The following PALD1 variants were observed in gnomAD, a reference collection of about 807,000 sequenced individuals.
The protein encoded by PALD1 is phosphatase domain containing paladin 1.
PALD1 carries 57 observed loss-of-function variants against 96.0 expected under a neutral mutation model. The observed-to-expected ratio is 0.59, with a 90% CI of 0.48 to 0.74. The LOEUF (loss-of-function observed/expected upper bound fraction) is 0.74. Among genes scored for constraint, PALD1 ranks in the 30% least tolerant of loss-of-function variants. The probability of loss-of-function intolerance (pLI) is 0.00; values close to 1 mark genes in which losing one functional copy is unlikely to be tolerated. For missense variants in PALD1, 1,063 were observed against 1,143.7 expected (o/e 0.93, Z 1.02); for synonymous variants, 464 against 473.6 (o/e 0.98, Z 0.26).
rs1220864374 is a variant in PALD1, at chr10:70,564,446, T to G, written c.2345T>G (p.Ile782Ser). The change falls in exon 19 of 20, where the codon ATT becomes AGT. Residue 782 changes from isoleucine (I) to serine (S), a missense_variant. Coordinates refer to ENST00000263563, the MANE Select transcript of PALD1 (RefSeq NM_014431.3). ...TACTTGGAGCGCTATGTCTGCCTGA[T>G]TCTCTTCAACGCGTACCTCCACCTG... Reference protein sequence around the residue: ...LQYLERYVCLILFNAYLHLEK... With the variant: ...LQYLERYVCLSLFNAYLHLEK... The G allele has an allele frequency of 4.3e-6, 7 of 1,614,040 alleles. No individual in the cohort carries two copies. The highest frequency in any genetic ancestry group is 5.9e-6 in the Non-Finnish European group (7 of 1,180,018).
intron 1 of PALD1, among the ~76,000 whole-genome samples, chr10:70,514,675 G>A (rs1041649841): frequency 2.0e-5 from 3 of 152,074 alleles, no homozygotes; most frequent in African/African-American, 4.8e-5. Context: ...CCTAATTCTC[G>A]GCTCTCTTGA....
intron 18 of PALD1, among the ~76,000 whole-genome samples, chr10:70,552,291 G>A (rs1159879541): frequency 6.6e-6 from 1 of 152,226 alleles, no homozygotes; most frequent in African/African-American, 2.4e-5. Context: ...TGTTTCTCAT[G>A]CTGTTGCTGT....
chr10:70,548,073 A>G (rs537937744), intron 18 of PALD1, among the ~76,000 whole-genome samples: 1 of 152,262 alleles, frequency 6.6e-6, no homozygotes, highest in South Asian at 2.1e-4. Context: ...TAGGAGGCCG[A>G]GACAGGCAGA....
At position 70,539,870 on chromosome 10, in the gene PALD1, G is replaced by T. The variant is rs10999382; in HGVS notation, c.1908+108G>T. 0.18 allele frequency: 169,124 copies of T among 963,778 alleles called. 16,199 individuals carry two copies. Among genetic ancestry groups the T allele is most frequent in the Middle Eastern group, 0.26 (914 of 3,544 alleles). The allele number at this position is 963,778 out of a possible 1,614,324, so 59.7% of individuals were successfully genotyped here. A position where few individuals can be genotyped will look rare whatever the true frequency, so the allele number is the denominator to read the frequency against. On this transcript the variant is annotated intron_variant, in intron 15 of 19. Transcript: ENST00000263563. The surrounding 1 kb of genome is among the most constrained non-coding windows in gnomAD (Gnocchi z 4.5). The stretch of plus-strand genomic sequence containing the variant: ...TGAAACGACCCCAGCTTCTCTACGG[G>T]GCCCGGGAATGGTCTCACGAGGTTT...
intron 1 of PALD1, among the ~76,000 whole-genome samples, chr10:70,502,460 T>C (rs1030045620): frequency 1.3e-5 from 2 of 151,590 alleles, no homozygotes; most frequent in African/African-American, 4.9e-5. Context: ...TCTTTCCCTG[T>C]TTCCTTTGGA....
chr10:70,534,582 C>G, intron 9 of PALD1, 58 bp downstream of exon 9: 5 of 1,311,182 alleles, frequency 3.8e-6, no homozygotes, highest in Non-Finnish European at 5.4e-6. Context: ...GGTCACTCCT[C>G]TCACTGGTCG....
chr10:70,473,665 T>A, the PALD1 span, among the ~76,000 whole-genome samples: 1 of 134,654 alleles, frequency 7.4e-6, no homozygotes, highest in African/African-American at 2.7e-5. Flanking sequence ...TTTTTTTTTT[T>A]AATTGAGACG....
At chr10:70,496,676 T>C (rs1054180940) in intron 1 of PALD1, among the ~76,000 whole-genome samples, 11 of 152,354 alleles carry the variant, frequency 7.2e-5, no homozygotes, top group Non-Finnish European at 1.5e-4. Flanking sequence ...GACTTTGCCA[T>C]GTTTCCTTTT....
chr10:70,482,795 C>G (rs1845955568), intron 1 of PALD1, among the ~76,000 whole-genome samples: 2 of 152,148 alleles, frequency 1.3e-5, no homozygotes, highest in South Asian at 4.1e-4. Flanking sequence ...TAGCAACTCC[C>G]TTATGAGAAT....
chr10:70,538,844 G>C (rs371838642), intron 12 of PALD1, 48 bp from the exon 13 acceptor site: 1 of 1,520,630 alleles, frequency 6.6e-7, no homozygotes, highest in East Asian at 2.3e-5. Context: ...CCCTTTCTGC[G>C]GCTACAGTCG....
intron 18 of PALD1, among the ~76,000 whole-genome samples, chr10:70,559,106 T>C (rs984530024): frequency 1.3e-5 from 2 of 152,168 alleles, no homozygotes; most frequent in Non-Finnish European, 2.9e-5. Context: ...CCGCCAGCCT[T>C]ACCCCTTTCC....
chr10:70,501,838 T>TGTGTGTGTGTGTGTGTGTGC (rs57837334), intron 1 of PALD1, among the ~76,000 whole-genome samples: 2 of 150,328 alleles, frequency 1.3e-5, no homozygotes, highest in Admixed American at 6.6e-5. Context: ...TGTGTGTGCG[T>TGTGTGTGTGTGTGTGTGTGC]GCGTGCATGC....
chr10:70,524,674 C>T (rs891760254), intron 1 of PALD1, among the ~76,000 whole-genome samples: 1 of 152,228 alleles, frequency 6.6e-6, no homozygotes, highest in Non-Finnish European at 1.5e-5. Context: ...GTGGCCTGCA[C>T]TTCCTATGCA....
chr10:70,481,519 C>T (rs928941345), intron 1 of PALD1, among the ~76,000 whole-genome samples: 4 of 152,244 alleles, frequency 2.6e-5, no homozygotes, highest in Admixed American at 2.6e-4. Context: ...TAAGTGCCAG[C>T]AGGTGCTCTT....
At chr10:70,505,348 C>A (rs1460510968) in intron 1 of PALD1, among the ~76,000 whole-genome samples, 1 of 152,170 alleles carries the variant, frequency 6.6e-6, no homozygotes, top group Non-Finnish European at 1.5e-5. Flanking sequence ...ATAATCCCAG[C>A]ACTTTGGGAG....
chr10:70,527,507 CTG>C (rs527296107), intron 2 of PALD1, among the ~76,000 whole-genome samples: 1 of 152,174 alleles, frequency 6.6e-6, no homozygotes, highest in Non-Finnish European at 1.5e-5. Context: ...TACATAGTAT[CTG>C]TGGATGCTTA....
intron 1 of PALD1, among the ~76,000 whole-genome samples, chr10:70,491,712 A>G (rs190629102): frequency 4.1e-4 from 63 of 152,304 alleles, no homozygotes; most frequent in African/African-American, 1.5e-3. Flanking sequence ...TCATCACCCC[A>G]AAAGGAAAAC....
rs187628635 is a variant in PALD1, at chr10:70,540,121, A to C, written c.1908+359A>C. Among the ~76,000 whole-genome samples, 1 of 150,992 alleles carries C rather than the reference A, an allele frequency of 6.6e-6. No homozygotes were observed. The highest frequency in any genetic ancestry group is 1.9e-4 in the East Asian group (1 of 5,150). ...GTATTGTGTTATGGGTGTGTGTTATAGGTGTGTGTGTGTTATCGGGGTGTG... is the reference window on the plus strand; with the variant it reads ...GTATTGTGTTATGGGTGTGTGTTATCGGTGTGTGTGTGTTATCGGGGTGTG... On this transcript the variant is annotated intron_variant, in intron 15 of 19. Coordinates refer to ENST00000263563, the MANE Select transcript of PALD1 (RefSeq NM_014431.3). The surrounding 1 kb of genome is among the most constrained non-coding windows in gnomAD (Gnocchi z 4.2).
At chr10:70,479,382 C>T (rs1845889933) in intron 1 of PALD1, among the ~76,000 whole-genome samples, 1 of 152,134 alleles carries the variant, frequency 6.6e-6, no homozygotes, top group African/African-American at 2.4e-5. Context: ...TAGGGTTTCC[C>T]GCGAAGTTAG....
Sources: gnomAD v4.1 joint callset for allele counts (sites outside exome capture counted in the v4.1 genomes callset) on GRCh38, gnomAD v4.1.1 for gene constraint, Gnocchi (gnomAD v3.1) non-coding constraint, MANE v1.5 for transcripts, NCBI Gene and HGNC (gene_info 2026-07-23, HGNC 2026-07-21) for gene names.